C9orf85: variants seen among roughly 807,000 people sequenced by gnomAD.
The protein encoded by C9orf85 is uncharacterized protein C9orf85.
Under a neutral mutation model 14.9 loss-of-function variants are expected in C9orf85, and 16 were observed. The observed-to-expected ratio is 1.08, with a 90% CI of 0.73 to 1.63. C9orf85 has a LOEUF of 1.63. Among genes scored for constraint, C9orf85 ranks in the 40% most tolerant of loss-of-function variants. The probability of loss-of-function intolerance (pLI) is 0.00; values close to 1 mark genes in which losing one functional copy is unlikely to be tolerated. For synonymous variants in C9orf85, 45 were observed against 56.8 expected, an observed-to-expected ratio of 0.79 and a Z score of 0.93; for missense variants, 172 against 186.1, an observed-to-expected ratio of 0.92 and a Z score of 0.44.
intron 2 of C9orf85, among the ~76,000 whole-genome samples, chr9:71,953,309 C>T (rs1223137740): frequency 2.0e-5 from 3 of 152,132 alleles, no homozygotes; most frequent in Non-Finnish European, 2.9e-5. Context: ...TTTAATAAAA[C>T]GCTTATCCAG....
chr9:71,958,820 T>G (rs549695158), intron 2 of C9orf85, among the ~76,000 whole-genome samples: 45 of 152,266 alleles, frequency 3.0e-4, no homozygotes, highest in African/African-American at 1.1e-3. Context: ...CCACTTTTGC[T>G]GGCCAAACCT....
chr9:71,936,371 T>C (rs1016538426), intron 1 of C9orf85, among the ~76,000 whole-genome samples: 33 of 152,082 alleles, frequency 2.2e-4, no homozygotes, highest in Non-Finnish European at 4.6e-4. Flanking sequence ...AGAGAGAAAG[T>C]TGATGACTAA....
intron 1 of C9orf85, among the ~76,000 whole-genome samples, chr9:71,935,922 A>G (rs1453917508): frequency 6.6e-6 from 1 of 151,874 alleles, no homozygotes; most frequent in East Asian, 2.0e-4. Flanking sequence ...AAAAAAAATA[A>G]CTGTTGGCTG....
intron 2 of C9orf85, among the ~76,000 whole-genome samples, chr9:71,960,895 G>GT (rs1822497906): frequency 6.7e-6 from 1 of 148,788 alleles, no homozygotes; most frequent in African/African-American, 2.5e-5. Context: ...CACATTGGCC[G>GT]TTTTTCAGTT....
intron 2 of C9orf85, among the ~76,000 whole-genome samples, chr9:71,961,485 T>C (rs1822522506): frequency 6.6e-6 from 1 of 151,970 alleles, no homozygotes; most frequent in Admixed American, 6.6e-5. Flanking sequence ...CGCTTGAACC[T>C]GGGAGGCTGA....
At chr9:71,961,666 T>C (rs1163521478) in intron 2 of C9orf85, among the ~76,000 whole-genome samples, 2 of 152,194 alleles carry the variant, frequency 1.3e-5, no homozygotes, top group African/African-American at 4.8e-5. Flanking sequence ...ATAAAATAAC[T>C]GTAAACTGTG....
intron 1 of C9orf85, among the ~76,000 whole-genome samples, chr9:71,917,064 A>T (rs1052523614): frequency 6.6e-6 from 1 of 152,194 alleles, no homozygotes. Context: ...ATGCCTCTTC[A>T]TTGGTTGGAT....
chr9:71,977,849 A>T (rs1823033136), downstream of C9orf85, among the ~76,000 whole-genome samples: 1 of 152,208 alleles, frequency 6.6e-6, no homozygotes, highest in African/African-American at 2.4e-5. Flanking sequence ...CTAGGGGGTT[A>T]GAATTGCTTA....
Position 71,972,914 on chromosome 9 carries a change from A to T in C9orf85, c.*72A>T, listed in dbSNP as rs13283402. ...ATCCCAACACTTTGGGAGGCCAAGGAGGGTGGATCACCTGAGGTCAGGAGT... is the reference window on the plus strand; with the variant it reads ...ATCCCAACACTTTGGGAGGCCAAGGTGGGTGGATCACCTGAGGTCAGGAGT... On this transcript the variant is annotated 3_prime_UTR_variant, in exon 4 of 4. Coordinates refer to ENST00000334731, the MANE Select transcript of C9orf85 (RefSeq NM_182505.5). 7.6e-7 allele frequency: 1 copy of T among 1,308,720 alleles called. No individual in the cohort carries two copies. Among genetic ancestry groups the T allele is most frequent in the South Asian group, 1.4e-5 (1 of 70,836 alleles). The allele number at this position is 1,308,720 out of a possible 1,614,324, so 81.1% of individuals were successfully genotyped here.
chr9:71,937,078 G>T lies in C9orf85; in HGVS notation c.103-9928G>T, dbSNP rs1828209583. Among the ~76,000 whole-genome samples, 5 of 152,274 alleles carry T rather than the reference G, an allele frequency of 3.3e-5. No homozygotes were observed. In the South Asian group the frequency reaches 1.0e-3, roughly 32 times the overall value. ...CTGGCCTGTTGAAACTTTCAAAGTT[G>T]CGATAGATTTATCAGCGCAGTGTTT... is the stretch of plus-strand genomic sequence containing the variant. On this transcript the variant is annotated intron_variant, in intron 1 of 3. Coordinates refer to ENST00000334731, the MANE Select transcript of C9orf85 (RefSeq NM_182505.5).
intron 2 of C9orf85, 127 bp downstream of exon 2, chr9:71,947,239 C>T (rs996160997): frequency 3.2e-6 from 2 of 626,900 alleles, no homozygotes; most frequent in East Asian, 5.8e-5. Flanking sequence ...TCCATTCTCC[C>T]CTGTAGAATT....
chr9:71,974,509 C>G (rs921145643), downstream of C9orf85, among the ~76,000 whole-genome samples: 5 of 152,184 alleles, frequency 3.3e-5, no homozygotes, highest in Non-Finnish European at 7.3e-5. Flanking sequence ...TCCCGAAATG[C>G]TGGAATTACA....
chr9:71,961,257 T>A (rs1822516106), intron 2 of C9orf85, among the ~76,000 whole-genome samples: 1 of 151,790 alleles, frequency 6.6e-6, no homozygotes, highest in African/African-American at 2.4e-5. Flanking sequence ...GGTTAATTAG[T>A]GATTTGAAAA....
At chr9:71,963,450 G>A (rs1340528679) in intron 2 of C9orf85, among the ~76,000 whole-genome samples, 1 of 152,148 alleles carries the variant, frequency 6.6e-6, no homozygotes, top group Non-Finnish European at 1.5e-5. Flanking sequence ...CACTTGAGGA[G>A]CCCTTCAGCC....
At chr9:71,979,160 A>G (rs1201539181) in intron 3 of C9orf85, among the ~76,000 whole-genome samples, 1 of 152,266 alleles carries the variant, frequency 6.6e-6, no homozygotes, top group African/African-American at 2.4e-5. Flanking sequence ...TTAAAATGAA[A>G]CAACATAAAT....
intron 1 of C9orf85, among the ~76,000 whole-genome samples, chr9:71,946,751 G>C (rs924892803): frequency 6.7e-6 from 1 of 150,296 alleles, no homozygotes; most frequent in Non-Finnish European, 1.5e-5. Flanking sequence ...CCAAAATTGT[G>C]CCACTGCATT....
At chr9:71,960,275 C>A (rs561110683) in intron 2 of C9orf85, among the ~76,000 whole-genome samples, 28 of 152,302 alleles carry the variant, frequency 1.8e-4, no homozygotes, top group Middle Eastern at 6.8e-3. Flanking sequence ...TACAGATAAT[C>A]CCGGGCTGTC....
In C9orf85 at chr9:71,911,650, C is replaced by A; in HGVS notation, c.-85C>A. ...GTTTCTTCCGGGTCATTGACAGAAGCGTCAATTCCTGGGAGTAGTTCGTTG... is the reference window on the plus strand; with the variant it reads ...GTTTCTTCCGGGTCATTGACAGAAGAGTCAATTCCTGGGAGTAGTTCGTTG... On this transcript the variant is annotated 5_prime_UTR_variant, in exon 1 of 4. Transcript: ENST00000334731. 8.7e-7 allele frequency: 1 copy of A among 1,148,148 alleles called. No homozygotes were observed. The highest frequency in any genetic ancestry group is 1.2e-5 in the South Asian group (1 of 81,380). The allele number at this position is 1,148,148 out of a possible 1,614,324, so 71.1% of individuals were successfully genotyped here.
At chr9:71,985,703 G>C (rs1652325572), downstream of C9orf85, 1 of 152,216 alleles carries the variant, frequency 6.6e-6, no homozygotes, top group South Asian at 2.1e-4. Context: ...CCATTGTTAT[G>C]CGGTTATAGC....
Sources: allele counts gnomAD v4.1 joint callset (sites outside exome capture counted in the v4.1 genomes callset), GRCh38; gene constraint gnomAD v4.1.1; transcripts MANE v1.5; gene names NCBI Gene and HGNC (gene_info 2026-07-23, HGNC 2026-07-21).